Variants in MARCHF8 observed in about 807,000 individuals in gnomAD.
The protein encoded by MARCHF8 is membrane associated ring-CH-type finger 8, also known as E3 ubiquitin-protein ligase MARCHF8.
MARCHF8 carries 40 observed loss-of-function variants against 51.6 expected under a neutral mutation model. The ratio of observed to expected loss-of-function variants is 0.77; its 90% CI spans 0.60 to 1.01. The LOEUF (loss-of-function observed/expected upper bound fraction) is 1.01. Among genes scored for constraint, MARCHF8 ranks in the 50% least tolerant of loss-of-function variants. The pLI, the probability that MARCHF8 is intolerant of heterozygous loss-of-function variation, is 0.00. For missense variants in MARCHF8, 685 were observed against 708.6 expected, an observed-to-expected ratio of 0.97 and a Z score of 0.38; for synonymous variants, 263 against 280.3, an observed-to-expected ratio of 0.94 and a Z score of 0.62.
At chr10:45,481,044 G>A (rs559635856) in intron 3 of MARCHF8, among the ~76,000 whole-genome samples, 1 of 152,362 alleles carries the variant, frequency 6.6e-6, no homozygotes, top group South Asian at 2.1e-4. Context: ...CCCACCTCTT[G>A]CATTAGCATG....
At chr10:45,488,794 G>T (rs950527051) in intron 3 of MARCHF8, among the ~76,000 whole-genome samples, 4 of 151,996 alleles carry the variant, frequency 2.6e-5, no homozygotes, top group African/African-American at 9.7e-5. Context: ...TAAAGCTCAG[G>T]GCCCTTGTCC....
chr10:45,477,202 G>GA lies in MARCHF8; in HGVS notation c.153+12164dup, dbSNP rs963784777. Among the ~76,000 whole-genome samples, 35 of 144,366 alleles carry GA rather than the reference G, an allele frequency of 2.4e-4. No homozygotes were observed. In the East Asian group the frequency reaches 4.6e-3, roughly 19 times the overall value. 94.7% of individuals were successfully genotyped at this position (144,366 alleles called of 152,430 possible). A position where few individuals can be genotyped will look rare whatever the true frequency, so the allele number is the denominator to read the frequency against. ...GGATGATATATTCAAAGTGCTAAAA[G>GA]AAAAAAAAAAGGCCAGCCAAAGATA... On this transcript the variant is annotated intron_variant, in intron 3 of 7. Coordinates refer to ENST00000453424, the MANE Select transcript of MARCHF8 (RefSeq NM_001282866.2).
At chr10:45,514,919 C>T (rs1358772555) in intron 2 of MARCHF8, among the ~76,000 whole-genome samples, 1 of 152,106 alleles carries the variant, frequency 6.6e-6, no homozygotes, top group African/African-American at 2.4e-5. Context: ...CAGCAAAATG[C>T]TTGCCCTGTG....
At chr10:45,536,844 T>C (rs1589159987), upstream of MARCHF8, among the ~76,000 whole-genome samples, 1 of 128,202 alleles carries the variant, frequency 7.8e-6, no homozygotes. Context: ...AAAATAATAA[T>C]AATAATAATA....
intron 1 of MARCHF8, among the ~76,000 whole-genome samples, chr10:45,533,827 C>A (rs1030457294): frequency 2.2e-4 from 34 of 152,162 alleles, no homozygotes; most frequent in African/African-American, 7.7e-4. Flanking sequence ...ATTTTAGGCA[C>A]TGTGGTCCAA....
intron 2 of MARCHF8, among the ~76,000 whole-genome samples, chr10:45,513,371 C>A (rs2043565995): frequency 6.6e-6 from 1 of 152,064 alleles, no homozygotes. Context: ...TTATTAACCA[C>A]CTACTATGAG....
At chr10:45,551,705 G>A (rs1564513746) in intron 1 of MARCHF8, among the ~76,000 whole-genome samples, 1 of 152,092 alleles carries the variant, frequency 6.6e-6, no homozygotes, top group African/African-American at 2.4e-5. Flanking sequence ...ACTCTTCCCT[G>A]AGCCTCCAGC....
intron 7 of MARCHF8, among the ~76,000 whole-genome samples, 180 bp from the exon 8 acceptor site, chr10:45,458,723 C>T (rs1452204990): frequency 2.6e-5 from 4 of 152,164 alleles, no homozygotes; most frequent in African/African-American, 9.7e-5. Flanking sequence ...GTGATCATGG[C>T]ACACTACAGC....
chr10:45,490,557 CCGTATGGCAATT>C (rs1473848452), intron 2 of MARCHF8, among the ~76,000 whole-genome samples: 4 of 152,132 alleles, frequency 2.6e-5, no homozygotes, highest in Non-Finnish European at 5.9e-5. Context: ...AAGCCACCTT[CCGTATGGCAATT>C]TGTTATGGCA....
At position 45,558,248 on chromosome 10, in the gene MARCHF8, G is replaced by A. The variant is rs577927898; in HGVS notation, c.-78-24959C>T. ...GCAGACAAGGACCTGTTTACCAAAA[G>A]CACCTAGAAATCTCCAGGGGGCAGG... On this transcript the variant is annotated intron_variant, in intron 1 of 6. Coordinates refer to the MARCHF8 transcript ENST00000319836. Among the ~76,000 whole-genome samples the A allele has an allele frequency of 6.8e-4, 104 of 152,288 alleles. 1 individual carries two copies. The highest frequency in any genetic ancestry group is 1.2e-3 in the Non-Finnish European group (80 of 68,018).
rs1475353104 is a variant in MARCHF8 at position 45,458,233 on chromosome 10, A to G, written c.*6T>C. The G allele has an allele frequency of 1.2e-6, 2 of 1,600,790 alleles. No homozygotes were observed. Among genetic ancestry groups the G allele is most frequent in the South Asian group, 2.2e-5 (2 of 88,992 alleles). On this transcript the variant is annotated 3_prime_UTR_variant, in exon 8 of 8. Coordinates refer to ENST00000453424, the MANE Select transcript of MARCHF8 (RefSeq NM_001282866.2). ...GATGTCCAGGAAAATGACAACCCGC[A>G]CACAATCAGACGTGAATGATTTCTG...
intron 2 of MARCHF8, among the ~76,000 whole-genome samples, chr10:45,508,499 ACT>A (rs2043430627): frequency 6.6e-6 from 1 of 152,144 alleles, no homozygotes; most frequent in Non-Finnish European, 1.5e-5. Flanking sequence ...AGCTGTTATC[ACT>A]CTTATGTTTT....
At chr10:45,513,699 C>A (rs751944048) in intron 2 of MARCHF8, among the ~76,000 whole-genome samples, 1 of 151,580 alleles carries the variant, frequency 6.6e-6, no homozygotes, top group Non-Finnish European at 1.5e-5. Flanking sequence ...CACAAAAAAT[C>A]AGACAGAGGG....
intron 1 of MARCHF8, among the ~76,000 whole-genome samples, chr10:45,590,507 G>A (rs983587729): frequency 2.0e-5 from 3 of 152,064 alleles, no homozygotes; most frequent in African/African-American, 7.2e-5. Context: ...GTATCTAGTA[G>A]TTACTGGTGT....
At chr10:45,476,199 C>A (rs987817716) in intron 3 of MARCHF8, among the ~76,000 whole-genome samples, 23 of 152,144 alleles carry the variant, frequency 1.5e-4, no homozygotes, top group African/African-American at 4.8e-4. Flanking sequence ...CCCAATAATT[C>A]TCCAGCAATA....
At chr10:45,468,419 C>T (rs911883625) in intron 3 of MARCHF8, among the ~76,000 whole-genome samples, 3 of 152,206 alleles carry the variant, frequency 2.0e-5, no homozygotes, top group African/African-American at 7.2e-5. Flanking sequence ...CCTCTATTAC[C>T]CACGCCCCTC....
In MARCHF8 at chr10:45,461,256, T is replaced by C; in HGVS notation, c.1244A>G (p.Glu415Gly). 4 of 1,551,932 alleles carry C rather than the reference T, an allele frequency of 2.6e-6. No individual in the cohort carries two copies. The highest frequency in any genetic ancestry group is 3.5e-6 in the Non-Finnish European group (4 of 1,147,454). Residue 415 changes from glutamate to glycine, a missense_variant, in exon 6 of 8, where the codon GAG (glutamate) becomes GGG (glycine). Coordinates refer to ENST00000453424, the MANE Select transcript of MARCHF8 (RefSeq NM_001282866.2). ...CELCKYEFIM[E>G]TKLKPLRKWE... is the part of the protein sequence containing the mutation. ...TTTTCTCAGTGGCTTCAGCTTGGTC[T>C]CCATGATGAACTCATACTTGCAGAG... is the stretch of plus-strand genomic sequence containing the variant.
chr10:45,504,375 C>T (rs1437865305), intron 2 of MARCHF8, among the ~76,000 whole-genome samples: 1 of 152,100 alleles, frequency 6.6e-6, no homozygotes, highest in Non-Finnish European at 1.5e-5. Context: ...ACCTGGGAGG[C>T]GGAGGTTGCG....
At chr10:45,477,608 G>T (rs776607227) in intron 3 of MARCHF8, among the ~76,000 whole-genome samples, 13 of 152,040 alleles carry the variant, frequency 8.6e-5, no homozygotes, top group Admixed American at 8.5e-4. Flanking sequence ...CTTTCCACTG[G>T]AAAGACAGAG....
Sources: gnomAD v4.1 joint callset for allele counts (sites outside exome capture counted in the v4.1 genomes callset) on GRCh38, gnomAD v4.1.1 for gene constraint, MANE v1.5 for transcripts, NCBI Gene and HGNC (gene_info 2026-07-23, HGNC 2026-07-21) for gene names.